The following RASGRF2 variants were observed in gnomAD, a reference collection of about 807,000 sequenced individuals.
RASGRF2 encodes Ras protein specific guanine nucleotide releasing factor 2, also known as ras-specific guanine nucleotide-releasing factor 2.
RASGRF2 carries 76 observed loss-of-function variants against 151.0 expected under a neutral mutation model. That is an observed-to-expected ratio of 0.50 (90% CI 0.42 to 0.61). RASGRF2 has a LOEUF of 0.61. Among genes scored for constraint, RASGRF2 ranks in the 20% least tolerant of loss-of-function variants. RASGRF2 has a pLI of 0.00. For synonymous variants in RASGRF2, 504 were observed against 566.5 expected (o/e 0.89, Z 1.57); for missense variants, 1,148 against 1,564.6 (o/e 0.73, Z 4.49).
intron 1 of RASGRF2, among the ~76,000 whole-genome samples, chr5:81,007,890 AC>A (rs1749323101): frequency 6.6e-6 from 1 of 152,112 alleles, no homozygotes; most frequent in African/African-American, 2.4e-5. Context: ...GAAGAGAGAG[AC>A]GTGAACAGGA....
chr5:81,033,029 A>G lies in RASGRF2; in HGVS notation c.289-9848A>G, dbSNP rs552812398. Among the ~76,000 whole-genome samples the G allele has an allele frequency of 3.4e-3, 519 of 152,050 alleles. 4 individuals are homozygous for G. Among genetic ancestry groups the G allele is most frequent in the African/African-American group, 0.012 (504 of 41,500 alleles). ...CAGGCAAACAGAGAGCCAAATCATC[A>G]GTGAACTCCCATTCACAATTGCTTC... On this transcript the variant is annotated intron_variant, in intron 1 of 26. Transcript: ENST00000265080.
At chr5:81,197,150 G>A (rs1755282914) in intron 18 of RASGRF2, among the ~76,000 whole-genome samples, 1 of 152,170 alleles carries the variant, frequency 6.6e-6, no homozygotes, top group African/African-American at 2.4e-5. Flanking sequence ...TGGGACTATG[G>A]TCAAACAGTG....
chr5:81,124,866 C>G (rs1753408193), intron 16 of RASGRF2, among the ~76,000 whole-genome samples: 1 of 151,996 alleles, frequency 6.6e-6, no homozygotes, highest in Non-Finnish European at 1.5e-5. Context: ...CCGGATTCAC[C>G]CCAAGTAACC....
At chr5:81,160,319 A>C (rs1437265731) in intron 17 of RASGRF2, among the ~76,000 whole-genome samples, 1 of 152,142 alleles carries the variant, frequency 6.6e-6, no homozygotes, top group Admixed American at 6.6e-5. Context: ...TACTTCAGAG[A>C]GTGAGACAGG....
chr5:81,030,891 T>C lies in RASGRF2; in HGVS notation c.289-11986T>C, dbSNP rs551857064. On this transcript the variant is annotated intron_variant, in intron 1 of 26. Coordinates refer to ENST00000265080, the MANE Select transcript of RASGRF2 (RefSeq NM_006909.3). ...AGAGTCAAGACCCATCAGTGTGCTG[T>C]ATTCAGGAGACCCATCTCACGTGCA... Among the ~76,000 whole-genome samples the C allele has an allele frequency of 9.9e-5, 15 of 152,226 alleles. No homozygotes were observed. In the South Asian group the frequency reaches 2.9e-3, roughly 29 times the overall value.
At chr5:81,171,937 G>A (rs1754667336) in intron 17 of RASGRF2, among the ~76,000 whole-genome samples, 2 of 152,148 alleles carry the variant, frequency 1.3e-5, no homozygotes, top group Non-Finnish European at 1.5e-5. Flanking sequence ...GAGCATAAAA[G>A]CTGATGACAG....
intron 1 of RASGRF2, among the ~76,000 whole-genome samples, chr5:80,987,425 C>T (rs1748507055): frequency 6.6e-6 from 1 of 152,150 alleles, no homozygotes; most frequent in Non-Finnish European, 1.5e-5. Context: ...TCCCCATCAT[C>T]GTTTTAAAAT....
intron 2 of RASGRF2, among the ~76,000 whole-genome samples, chr5:81,063,707 C>CT (rs1751511345): frequency 6.6e-6 from 1 of 152,014 alleles, no homozygotes; most frequent in Non-Finnish European, 1.5e-5. Flanking sequence ...CTTTATTTGA[C>CT]CTCTCTGACC....
intron 2 of RASGRF2, among the ~76,000 whole-genome samples, chr5:81,044,225 C>T (rs146306697): frequency 0.011 from 1,646 of 152,232 alleles, 20 homozygotes; most frequent in Non-Finnish European, 0.02. Context: ...TGAGACCAGC[C>T]TGGCCAACAT....
chr5:81,128,631 G>A (rs1341560520), intron 17 of RASGRF2, among the ~76,000 whole-genome samples: 1 of 152,162 alleles, frequency 6.6e-6, no homozygotes, highest in African/African-American at 2.4e-5. Flanking sequence ...CTTGTGGAGT[G>A]CGGGGAGCCG....
chr5:81,053,935 T>C (rs147586967), intron 2 of RASGRF2, among the ~76,000 whole-genome samples: 140,730 of 148,604 alleles, frequency 0.95, 66,784 homozygotes, highest in African/African-American at 0.99. Flanking sequence ...TTTTGAGAAG[T>C]GTCTGTTCAT....
At position 81,080,453 on chromosome 5, in the gene RASGRF2, C is replaced by T. The variant is rs560461848; in HGVS notation, c.968-143C>T. ...AAGTGCTGCCCATGAGTGCATTCTA[C>T]CAGATCATCATTCAGGCATCAGGGT... On this transcript the variant is annotated intron_variant, in intron 6 of 26. Coordinates refer to ENST00000265080, the MANE Select transcript of RASGRF2 (RefSeq NM_006909.3). The T allele has an allele frequency of 2.8e-6, 3 of 1,057,012 alleles. No individual in the cohort carries two copies. In the South Asian group the frequency reaches 4.8e-5, roughly 17 times the overall value. 65.5% of individuals were successfully genotyped at this position (1,057,012 alleles called of 1,614,324 possible).
chr5:81,110,591 A>G (rs1752966672), intron 13 of RASGRF2, among the ~76,000 whole-genome samples: 1 of 152,238 alleles, frequency 6.6e-6, no homozygotes, highest in African/African-American at 2.4e-5. Context: ...AGAATGTGAA[A>G]ATCATGACGC....
At chr5:80,982,900 A>T (rs1257844086) in intron 1 of RASGRF2, among the ~76,000 whole-genome samples, 1 of 152,070 alleles carries the variant, frequency 6.6e-6, no homozygotes, top group African/African-American at 2.4e-5. Flanking sequence ...GCGCCCAGCC[A>T]GGAATTTGGT....
At chr5:81,102,972 G>A (rs1251022533) in intron 12 of RASGRF2, among the ~76,000 whole-genome samples, 1 of 152,092 alleles carries the variant, frequency 6.6e-6, no homozygotes. Context: ...AGTAGAATTA[G>A]CGCTACAAGA....
rs185738912 is a variant in RASGRF2 at position 81,140,612 on chromosome 5, C to A, written c.2686+13449C>A. 8.2e-4 allele frequency among the ~76,000 whole-genome samples: 125 copies of A among 152,292 alleles called. 1 individual carries two copies. The highest frequency in any genetic ancestry group is 3.4e-3 in the Middle Eastern group (1 of 294). On this transcript the variant is annotated intron_variant, in intron 17 of 26. Coordinates refer to ENST00000265080, the MANE Select transcript of RASGRF2 (RefSeq NM_006909.3). ...TCCTGGAAACATGCCACGCAGCAAG[C>A]TAGATCACAGAGATATCTTTGCTGT...
chr5:81,007,213 G>C (rs949459286), intron 1 of RASGRF2, among the ~76,000 whole-genome samples: 2 of 152,160 alleles, frequency 1.3e-5, no homozygotes, highest in African/African-American at 4.8e-5. Flanking sequence ...AGAAGGTGAA[G>C]GGGAGGAGTT....
intron 1 of RASGRF2, among the ~76,000 whole-genome samples, chr5:81,028,822 A>G (rs1750131724): frequency 6.6e-6 from 1 of 152,196 alleles, no homozygotes; most frequent in Non-Finnish European, 1.5e-5. Context: ...GGTGCAGCCC[A>G]TGGAGCATGA....
intron 17 of RASGRF2, among the ~76,000 whole-genome samples, chr5:81,132,408 A>G (rs992839120): frequency 1.3e-5 from 2 of 152,096 alleles, no homozygotes; most frequent in African/African-American, 4.8e-5. Flanking sequence ...GTTTTGTCTT[A>G]TTTCTCCGAC....
Sources: allele counts gnomAD v4.1 joint callset (sites outside exome capture counted in the v4.1 genomes callset), GRCh38; gene constraint gnomAD v4.1.1; transcripts MANE v1.5; gene names NCBI Gene and HGNC (gene_info 2026-07-23, HGNC 2026-07-21).